Variants in FHIT observed in about 807,000 individuals in gnomAD.
FHIT encodes fragile histidine triad diadenosine triphosphatase.
Under a neutral mutation model 17.9 loss-of-function variants are expected in FHIT, and 19 were observed. The observed-to-expected ratio is 1.06, with a 90% confidence interval of 0.74 to 1.56. FHIT has a LOEUF of 1.56. Among genes scored for constraint, FHIT ranks in the 40% most tolerant of loss-of-function variants. The probability of loss-of-function intolerance (pLI) is 0.00; values close to 1 mark genes in which losing one functional copy is unlikely to be tolerated. For synonymous variants in FHIT, 81 were observed against 69.7 expected (o/e 1.16, Z -0.81); for missense variants, 248 against 189.2 (o/e 1.31, Z -1.82).
Position 60,090,272 on chromosome 3 carries a change from A to G in FHIT, c.104-76120T>C, listed in dbSNP as rs78101717. Among the ~76,000 whole-genome samples the G allele has an allele frequency of 7.8e-3, 1,184 of 152,268 alleles. 11 individuals carry two copies. Among genetic ancestry groups the G allele is most frequent in the Non-Finnish European group, 0.013 (896 of 68,022 alleles). On this transcript the variant is annotated intron_variant, in intron 5 of 9. Coordinates refer to ENST00000492590, the MANE Select transcript of FHIT (RefSeq NM_002012.4). ...TGAAAATGTGAAGGATCAATTCACA[A>G]TTTGTTTCCTGCAAAACTGTCATTC...
chr3:60,536,118 A>G (rs923485269), intron 5 of FHIT: 1 of 152,208 alleles, frequency 6.6e-6, no homozygotes, highest in African/African-American at 2.4e-5. Context: ...GCACACAATC[A>G]GGAGTGAAAC....
At chr3:59,903,495 A>G (rs1704431832) in intron 8 of FHIT, among the ~76,000 whole-genome samples, 1 of 152,246 alleles carries the variant, frequency 6.6e-6, no homozygotes, top group Non-Finnish European at 1.5e-5. Flanking sequence ...TGTCTGAGAC[A>G]AAGGAAGAAA....
intron 4 of FHIT, among the ~76,000 whole-genome samples, chr3:60,752,861 G>A (rs1553717234): frequency 1.3e-5 from 2 of 152,018 alleles, no homozygotes; most frequent in African/African-American, 4.8e-5. Context: ...TAGTTATTCT[G>A]AAAAAAATAC....
At chr3:59,961,783 C>T (rs1005403089) in intron 7 of FHIT, among the ~76,000 whole-genome samples, 1 of 152,184 alleles carries the variant, frequency 6.6e-6, no homozygotes, top group Non-Finnish European at 1.5e-5. Flanking sequence ...CCAGGTACCT[C>T]AGTTGGAAAT....
chr3:60,491,210 C>T (rs1349658137), intron 5 of FHIT, among the ~76,000 whole-genome samples: 1 of 152,138 alleles, frequency 6.6e-6, no homozygotes, highest in Non-Finnish European at 1.5e-5. Flanking sequence ...AGTCTATTTA[C>T]ATTTCAAGAA....
At chr3:61,158,209 G>A (rs2037585162) in intron 2 of FHIT, among the ~76,000 whole-genome samples, 1 of 152,148 alleles carries the variant, frequency 6.6e-6, no homozygotes, top group African/African-American at 2.4e-5. Context: ...TTATACAGAA[G>A]CTACAATAAA....
At chr3:60,748,743 C>T (rs2042408207) in intron 4 of FHIT, among the ~76,000 whole-genome samples, 3 of 152,178 alleles carry the variant, frequency 2.0e-5, no homozygotes, top group African/African-American at 7.2e-5. Flanking sequence ...ACCCGAGAGG[C>T]AGAGGTTGCA....
chr3:60,094,721 CAG>C (rs1428326894), intron 5 of FHIT, among the ~76,000 whole-genome samples: 1 of 151,748 alleles, frequency 6.6e-6, no homozygotes, highest in African/African-American at 2.4e-5. Flanking sequence ...ACCCAGCAAA[CAG>C]AGTGGTAGCT....
chr3:59,888,760 C>G (rs1367732564), intron 8 of FHIT, among the ~76,000 whole-genome samples: 1 of 152,188 alleles, frequency 6.6e-6, no homozygotes, highest in Non-Finnish European at 1.5e-5. Context: ...TGTTTCTCAT[C>G]TGTCTTAGTC....
intron 1 of FHIT, among the ~76,000 whole-genome samples, chr3:61,217,297 G>A (rs1359892594): frequency 1.3e-5 from 2 of 152,150 alleles, no homozygotes; most frequent in Non-Finnish European, 2.9e-5. Context: ...GTTAGGGGCT[G>A]GAATCATCTG....
intron 4 of FHIT, among the ~76,000 whole-genome samples, chr3:60,715,292 G>C (rs2041653355): frequency 6.6e-6 from 1 of 152,112 alleles, no homozygotes; most frequent in Non-Finnish European, 1.5e-5. Context: ...ATTCAAGATG[G>C]ATTAAAGACT....
chr3:60,736,049 TG>T (rs1175637165), intron 4 of FHIT, among the ~76,000 whole-genome samples: 1 of 152,086 alleles, frequency 6.6e-6, no homozygotes, highest in Non-Finnish European at 1.5e-5. Flanking sequence ...AAAAAACTGT[TG>T]AACATCATTA....
chr3:60,289,271 G>A (rs528054267), intron 5 of FHIT, among the ~76,000 whole-genome samples: 1 of 152,162 alleles, frequency 6.6e-6, no homozygotes, highest in South Asian at 2.1e-4. Context: ...TCATTTCATT[G>A]GACATATACC....
At chr3:60,668,371 GAAAAAAAAAAAAA>G (rs60941309) in intron 4 of FHIT, among the ~76,000 whole-genome samples, 843 of 68,016 alleles carry the variant, frequency 0.012, 4 homozygotes, top group Non-Finnish European at 0.018. Context: ...GCTCAATCAG[GAAAAAAAAAAAAA>G]AAAAAAAAAA....
chr3:60,916,208 C>T (rs1455889337), intron 3 of FHIT, among the ~76,000 whole-genome samples: 2 of 152,114 alleles, frequency 1.3e-5, no homozygotes, highest in Admixed American at 6.5e-5. Flanking sequence ...AAATGCAATG[C>T]CATGGCGAAT....
At chr3:59,788,881 G>GTTTTTTTGTTTTTTTTTTT (rs1553677018) in intron 8 of FHIT, among the ~76,000 whole-genome samples, 1 of 86,804 alleles carries the variant, frequency 1.2e-5, no homozygotes, top group Non-Finnish European at 2.0e-5. Flanking sequence ...GAGTTCATAT[G>GTTTTTTTGTTTTTTTTTTT]TTTTTTTTTT....
rs1444509392 is a variant in FHIT at position 59,931,293 on chromosome 3, G to A, written c.280-8879C>T. ...ACCATCACCAACCCCAAAGCTGTGT[G>A]TTCTACATGGCTGGATTTCGCCTTT... On this transcript the variant is annotated intron_variant, in intron 7 of 9. Transcript: ENST00000492590. 2.6e-5 allele frequency among the ~76,000 whole-genome samples: 4 copies of A among 152,276 alleles called. No individual in the cohort carries two copies. In the South Asian group the frequency reaches 6.2e-4, roughly 24 times the overall value.
Position 60,637,099 on chromosome 3 carries a change from A to T in FHIT, c.-17-100120T>A, listed in dbSNP as rs562684435. Among the ~76,000 whole-genome samples, 25 of 152,230 alleles carry T rather than the reference A, an allele frequency of 1.6e-4. No homozygotes were observed. The East Asian group carries it at 4.8e-3, about 29-fold the overall frequency. ...CAGTTTCAACCCTCTGAGTCACTGCAAAAGAATCCCCTTCATTAAAACTAG... is the reference window on the plus strand; with the variant it reads ...CAGTTTCAACCCTCTGAGTCACTGCTAAAGAATCCCCTTCATTAAAACTAG... On this transcript the variant is annotated intron_variant, in intron 4 of 9. Transcript: ENST00000492590.
intron 4 of FHIT, among the ~76,000 whole-genome samples, chr3:60,577,829 T>A (rs1340412489): frequency 6.6e-6 from 1 of 152,162 alleles, no homozygotes; most frequent in Non-Finnish European, 1.5e-5. Flanking sequence ...CATTGGCTGT[T>A]ACAAAAACAA....
Sources: gnomAD v4.1 joint callset for allele counts (sites outside exome capture counted in the v4.1 genomes callset) on GRCh38, gnomAD v4.1.1 for gene constraint, MANE v1.5 for transcripts, NCBI Gene and HGNC (gene_info 2026-07-23, HGNC 2026-07-21) for gene names.